IL1RAPL2: variants seen among roughly 807,000 people sequenced by gnomAD.
IL1RAPL2 encodes X-linked interleukin-1 receptor accessory protein-like 2.
In IL1RAPL2, 3 loss-of-function variants were observed where a neutral mutation model predicts 44.1. That is an observed-to-expected ratio of 0.07 (90% CI 0.03 to 0.18). The LOEUF is 0.18. IL1RAPL2 is among the 10% of genes least tolerant of loss of function. IL1RAPL2 has a pLI of 1.00. For missense variants in IL1RAPL2, 391 were observed against 496.4 expected, an observed-to-expected ratio of 0.79 and a Z score of 2.02; for synonymous variants, 181 against 178.8, an observed-to-expected ratio of 1.01 and a Z score of -0.10.
chrX:105,489,216 G>A (rs1331995158), intron 6 of IL1RAPL2, among the ~76,000 whole-genome samples: 14 of 111,250 alleles, frequency 1.3e-4, no homozygotes, highest in African/African-American at 4.6e-4. Context: ...ATTTGGTCCT[G>A]TTATCCTTTA....
intron 2 of IL1RAPL2, among the ~76,000 whole-genome samples, chrX:104,761,890 TCTCCTTCTCCTTCTCCTTCTCCTTCTC>T (rs1932446363): frequency 2.8e-4 from 15 of 54,283 alleles, no homozygotes; most frequent in African/African-American, 1.5e-3. Context: ...TCCTTCTCCT[TCTCCTTCTCCTTCTCCTTCTCCTTCTC>T]CTTCTCCTTC....
At chrX:104,633,821 G>GT (rs886317501) in intron 1 of IL1RAPL2, among the ~76,000 whole-genome samples, 3 of 111,047 alleles carry the variant, frequency 2.7e-5, no homozygotes, top group African/African-American at 9.8e-5. Context: ...TTTTTGAAGG[G>GT]TTTTTTTGTG....
At chrX:104,606,575 G>A (rs187283783) in intron 1 of IL1RAPL2, among the ~76,000 whole-genome samples, 474 of 111,656 alleles carry the variant, frequency 4.2e-3, no homozygotes, top group African/African-American at 0.013. Flanking sequence ...AAACCCCATC[G>A]TCTCAGCCCA....
intron 10 of IL1RAPL2, among the ~76,000 whole-genome samples, chrX:105,762,509 A>G (rs966425481): frequency 1.2e-4 from 13 of 112,266 alleles, no homozygotes; most frequent in Non-Finnish European, 1.3e-4. Context: ...AATTATATCA[A>G]TTTAAGCACC....
intron 2 of IL1RAPL2, among the ~76,000 whole-genome samples, chrX:105,142,496 C>T (rs1191846243): frequency 3.6e-5 from 4 of 111,059 alleles, no homozygotes; most frequent in Non-Finnish European, 7.5e-5. Context: ...TGCCTGGATG[C>T]GGTGGTTTTT....
chrX:105,219,720 C>T, intron 3 of IL1RAPL2: 5 of 1,207,449 alleles, frequency 4.1e-6, no homozygotes, highest in Non-Finnish European at 5.6e-6. Flanking sequence ...GGCCTGGCCA[C>T]CCTGCCCCCT....
intron 2 of IL1RAPL2, among the ~76,000 whole-genome samples, chrX:104,825,773 C>T (rs912832348): frequency 4.5e-5 from 5 of 111,925 alleles, no homozygotes; most frequent in African/African-American, 1.6e-4. Flanking sequence ...CCACCTGAAA[C>T]CCAAAGGCTT....
At chrX:105,079,363 G>C (rs59962725) in intron 2 of IL1RAPL2, among the ~76,000 whole-genome samples, 10,813 of 108,210 alleles carry the variant, frequency 0.1, 1,414 homozygotes, top group African/African-American at 0.35. Context: ...TAAAGACAGA[G>C]AGACACATAT....
At chrX:105,294,461 G>A (rs2034639730) in intron 5 of IL1RAPL2, among the ~76,000 whole-genome samples, 1 of 111,924 alleles carries the variant, frequency 8.9e-6, no homozygotes. Flanking sequence ...AGATGGTCAG[G>A]GAAGAGCACT....
intron 2 of IL1RAPL2, among the ~76,000 whole-genome samples, chrX:104,905,267 A>C (rs193018429): frequency 1.8e-5 from 2 of 111,232 alleles, no homozygotes; most frequent in Admixed American, 9.5e-5. Flanking sequence ...TGTTCACTCT[A>C]ATGGTAGTTT....
At chrX:104,695,900 C>CG (rs1428136768) in intron 2 of IL1RAPL2, among the ~76,000 whole-genome samples, 1 of 111,024 alleles carries the variant, frequency 9.0e-6, no homozygotes, top group Non-Finnish European at 1.9e-5. Flanking sequence ...CACTGTCTCC[C>CG]GGGTTCAAAT....
chrX:105,398,410 G>C (rs949622445), intron 5 of IL1RAPL2, among the ~76,000 whole-genome samples: 1 of 110,708 alleles, frequency 9.0e-6, no homozygotes, highest in Non-Finnish European at 1.9e-5. Context: ...ATAAAAGAGG[G>C]TATATTATAC....
At chrX:105,751,297 A>G (rs1235332705) in intron 9 of IL1RAPL2, among the ~76,000 whole-genome samples, 1 of 110,402 alleles carries the variant, frequency 9.1e-6, no homozygotes, top group African/African-American at 3.3e-5. Context: ...GAATAAAATA[A>G]ATAAAAATAT....
chrX:104,623,338 C>T (rs980316997), intron 1 of IL1RAPL2, among the ~76,000 whole-genome samples: 3 of 110,892 alleles, frequency 2.7e-5, no homozygotes, highest in Non-Finnish European at 5.6e-5. Context: ...ATTTCTGCTT[C>T]TGGAGTAGCT....
At chrX:104,570,724 G>T (rs1044495696) in intron 1 of IL1RAPL2, among the ~76,000 whole-genome samples, 1 of 111,843 alleles carries the variant, frequency 8.9e-6, no homozygotes, top group South Asian at 3.8e-4. Flanking sequence ...TTTGTCAAAT[G>T]ATCTAAATAC....
At position 104,566,813 on chromosome X, in the gene IL1RAPL2, C is replaced by T. The variant is rs1189402920; in HGVS notation, c.-258C>T. 8.9e-6 allele frequency: 1 copy of T among 112,958 alleles called. No individual in the cohort carries two copies. Among genetic ancestry groups the T allele is most frequent in the Non-Finnish European group, 1.9e-5 (1 of 53,453 alleles). The allele number at this position is 112,958 out of a possible 1,213,427, so 9.3% of individuals were successfully genotyped here. Reference sequence around the variant, plus strand: ...GCTGAACTCTAGAAATCTTCCCTGGCTGGGGGGAAGTTTACTAGTATCCTC... The same window carrying T: ...GCTGAACTCTAGAAATCTTCCCTGGTTGGGGGGAAGTTTACTAGTATCCTC... On this transcript the variant is annotated 5_prime_UTR_variant, in exon 1 of 11. Transcript: ENST00000372582.
At chrX:104,817,989 G>A (rs1045623898) in intron 2 of IL1RAPL2, among the ~76,000 whole-genome samples, 8 of 110,668 alleles carry the variant, frequency 7.2e-5, no homozygotes, top group South Asian at 7.8e-4. Flanking sequence ...AGATTCGGGC[G>A]TGTGTTTAGT....
chrX:105,438,447 A>C (rs765035755), intron 5 of IL1RAPL2, among the ~76,000 whole-genome samples: 1 of 111,424 alleles, frequency 9.0e-6, no homozygotes, highest in Admixed American at 9.6e-5. Flanking sequence ...GATAACCCAA[A>C]GTATTATAAA....
intron 2 of IL1RAPL2, among the ~76,000 whole-genome samples, chrX:104,672,938 A>G (rs767133478): frequency 8.3e-4 from 92 of 110,842 alleles, no homozygotes; most frequent in Middle Eastern, 4.6e-3. Context: ...ACTTTTTGAT[A>G]GGATTGTTTG....
Sources: allele counts gnomAD v4.1 joint callset (sites outside exome capture counted in the v4.1 genomes callset), GRCh38; gene constraint gnomAD v4.1.1; transcripts MANE v1.5; gene names NCBI Gene and HGNC (gene_info 2026-07-23, HGNC 2026-07-21).